SMARCB1: variants seen among roughly 807,000 people sequenced by gnomAD.
The protein encoded by SMARCB1 is SWI/SNF-related matrix-associated actin-dependent regulator of chromatin subfamily B member 1.
Under a neutral mutation model 49.0 loss-of-function variants are expected in SMARCB1, and 5 were observed. That is an observed-to-expected ratio of 0.10 (90% confidence interval 0.05 to 0.21). The LOEUF is 0.21. Among genes scored for constraint, SMARCB1 ranks in the 10% least tolerant of loss-of-function variants. The pLI, the probability that SMARCB1 is intolerant of heterozygous loss-of-function variation, is 1.00. For missense variants in SMARCB1, 226 were observed against 509.2 expected, an observed-to-expected ratio of 0.44 and a Z score of 5.35; for synonymous variants, 201 against 200.1, an observed-to-expected ratio of 1.00 and a Z score of -0.04.
intron 3 of SMARCB1, among the ~76,000 whole-genome samples, chr22:23,794,328 T>C (rs917522165): frequency 3.9e-5 from 6 of 152,230 alleles, no homozygotes; most frequent in African/African-American, 1.2e-4. Context: ...TTCTATATCA[T>C]TGGAATTTCT....
At chr22:23,830,724 T>C (rs545157598) in intron 7 of SMARCB1, among the ~76,000 whole-genome samples, 1 of 144,530 alleles carries the variant, frequency 6.9e-6, no homozygotes, top group East Asian at 2.1e-4. Flanking sequence ...TGTAGTGCTG[T>C]GATCTTGGCT....
intron 4 of SMARCB1, chr22:23,802,967 C>A (rs1023834132): frequency 1.8e-5 from 8 of 433,112 alleles, no homozygotes; most frequent in Admixed American, 1.4e-4. Context: ...AAATGCCCTT[C>A]TCCTTTCCCA....
In SMARCB1 at chr22:23,836,987, C is replaced by T; in HGVS notation, c.*2807C>T. On this transcript the variant is annotated 3_prime_UTR_variant, in exon 9 of 9. Coordinates refer to ENST00000644036, the MANE Select transcript of SMARCB1 (RefSeq NM_003073.5). ...TCTGTGGGGAGGGGCCCGTGTTGAG[C>T]ACAGGCCAGCACAGGTCCCCATCGG... The T allele has an allele frequency of 6.2e-7, 1 of 1,606,900 alleles. No individual in the cohort carries two copies.
rs142959559 is a variant in SMARCB1 at position 23,828,578 on chromosome 22, C to T, written c.986+3163C>T. On this transcript the variant is annotated intron_variant, in intron 7 of 8. Coordinates refer to ENST00000644036, the MANE Select transcript of SMARCB1 (RefSeq NM_003073.5). ...CTGAGGCAGGAGAATTGCTTGAACCCGTGAGGCGGAGATTGCAGTGAGCTG... is the reference window on the plus strand; with the variant it reads ...CTGAGGCAGGAGAATTGCTTGAACCTGTGAGGCGGAGATTGCAGTGAGCTG... Among the ~76,000 whole-genome samples, 982 of 152,194 alleles carry T rather than the reference C, an allele frequency of 6.5e-3. 11 individuals are homozygous for T. Among genetic ancestry groups the T allele is most frequent in the African/African-American group, 0.022 (915 of 41,556 alleles).
At chr22:23,823,778 C>T (rs2030232493) in intron 6 of SMARCB1, 1 of 152,270 alleles carries the variant, frequency 6.6e-6, no homozygotes, top group Non-Finnish European at 1.5e-5. Context: ...GAAGGCTCAA[C>T]CACAGGGTCT....
intron 5 of SMARCB1, among the ~76,000 whole-genome samples, chr22:23,810,954 T>A (rs902576608): frequency 1.3e-4 from 19 of 151,522 alleles, no homozygotes; most frequent in African/African-American, 4.4e-4. Flanking sequence ...GGATAATTGC[T>A]TGAACCCGGG....
intron 5 of SMARCB1, among the ~76,000 whole-genome samples, chr22:23,805,102 A>T (rs1336907430): frequency 6.6e-6 from 1 of 152,076 alleles, no homozygotes; most frequent in Non-Finnish European, 1.5e-5. Context: ...TGCTAGGCCT[A>T]CCACTTGCTC....
chr22:23,787,814 T>G (rs1011680798), intron 1 of SMARCB1, among the ~76,000 whole-genome samples: 2 of 152,182 alleles, frequency 1.3e-5, no homozygotes, highest in Non-Finnish European at 2.9e-5. Context: ...TGTTTGCTTT[T>G]GGGTGAATAA....
intron 7 of SMARCB1, among the ~76,000 whole-genome samples, chr22:23,827,022 ACAGAG>A (rs2030418440): frequency 6.6e-6 from 1 of 152,186 alleles, no homozygotes; most frequent in Admixed American, 6.5e-5. Context: ...TTCACCCTGC[ACAGAG>A]CCAAGCCCTA....
intron 7 of SMARCB1, among the ~76,000 whole-genome samples, chr22:23,827,162 C>T (rs2030426025): frequency 6.6e-6 from 1 of 152,208 alleles, no homozygotes; most frequent in Non-Finnish European, 1.5e-5. Flanking sequence ...CCAGTCAGAA[C>T]CCTCGTCTTG....
intron 4 of SMARCB1, chr22:23,802,849 C>A (rs1175683317): frequency 3.1e-6 from 1 of 326,432 alleles, no homozygotes; most frequent in African/African-American, 2.1e-5. Context: ...TTTGCAGCAT[C>A]CCTGACCACT....
intron 4 of SMARCB1, chr22:23,801,807 TCA>T (rs987560209): frequency 4.4e-5 from 9 of 202,856 alleles, no homozygotes; most frequent in Admixed American, 1.6e-4. Flanking sequence ...GAGCTGACAG[TCA>T]CAGGTTTTGG....
intron 7 of SMARCB1, among the ~76,000 whole-genome samples, chr22:23,830,413 ATGTATTTCTGGCTGTTTG>A (rs1395073333): frequency 6.6e-6 from 1 of 152,164 alleles, no homozygotes; most frequent in African/African-American, 2.4e-5. Context: ...GCATCTTTGC[ATGTATTTCTGGCTGTTTG>A]TGTATCTTCT....
rs1928403840 is a variant in SMARCB1 at position 23,791,865 on chromosome 22, A to G, written c.203A>G (p.His68Arg). 6.2e-7 allele frequency: 1 copy of G among 1,614,086 alleles called. No homozygotes were observed. The highest frequency in any genetic ancestry group is 8.5e-7 in the Non-Finnish European group (1 of 1,180,010). The change falls in exon 2 of 9, where the codon CAT (histidine) becomes CGT (arginine). Residue 68 changes from histidine (H) to arginine (R), a missense_variant. His to Arg is a conservative substitution (Grantham distance 29). Around this residue, in one of 6 missense-constraint regions of SMARCB1, gnomAD observed 128 missense variants for 263.9 expected, o/e 0.49. Coordinates refer to ENST00000644036, the MANE Select transcript of SMARCB1 (RefSeq NM_003073.5). ...EERKKIVASS[H>R]GKKTKPNTKD... is the part of the protein sequence containing the mutation. ...AGGAAGAAAATAGTTGCATCGTCACATGGTAAAAAAACAAAACCTAACACT... is the reference window on the plus strand; with the variant it reads ...AGGAAGAAAATAGTTGCATCGTCACGTGGTAAAAAAACAAAACCTAACACT...
intron 1 of SMARCB1, 91 bp downstream of exon 1, chr22:23,787,353 A>T: frequency 1.5e-6 from 1 of 673,666 alleles, no homozygotes; most frequent in Non-Finnish European, 2.3e-6. Context: ...GTCTCCATTC[A>T]TCGGGGCGGG....
At chr22:23,804,119 A>G (rs1929347088) in intron 5 of SMARCB1, 1 of 150,132 alleles carries the variant, frequency 6.7e-6, no homozygotes, top group Non-Finnish European at 1.5e-5. Context: ...TTTTTTTTTT[A>G]CTTAGTGTCT....
At position 23,837,413 on chromosome 22, in the gene SMARCB1, C is replaced by T; in HGVS notation, c.*3233C>T. The T allele has an allele frequency of 9.3e-6, 6 of 642,772 alleles. No homozygotes were observed. Among genetic ancestry groups the T allele is most frequent in the Admixed American group, 3.0e-5 (1 of 33,850 alleles). 39.8% of individuals were successfully genotyped at this position (642,772 alleles called of 1,614,324 possible). On this transcript the variant is annotated 3_prime_UTR_variant, in exon 9 of 9. Transcript: ENST00000644036. ...GGAGCCATGGGGCAGGAACCCTGACCCTCCCATCCTCACTCCCATCAGGAC... is the reference window on the plus strand; with the variant it reads ...GGAGCCATGGGGCAGGAACCCTGACTCTCCCATCCTCACTCCCATCAGGAC...
intron 5 of SMARCB1, among the ~76,000 whole-genome samples, chr22:23,804,948 G>A (rs1349027657): frequency 6.6e-6 from 1 of 152,214 alleles, no homozygotes; most frequent in Non-Finnish European, 1.5e-5. Context: ...AGCAGATAAC[G>A]TAGTTGCAGC....
intron 3 of SMARCB1, among the ~76,000 whole-genome samples, chr22:23,794,744 C>T (rs1399141648): frequency 6.6e-6 from 1 of 151,984 alleles, no homozygotes; most frequent in African/African-American, 2.4e-5. Flanking sequence ...ACTAAAAATA[C>T]AAAATTAGCC....
Sources: allele counts gnomAD v4.1 joint callset (sites outside exome capture counted in the v4.1 genomes callset), GRCh38; gene constraint gnomAD v4.1.1; regional missense constraint gnomAD v4.1.1; transcripts MANE v1.5; gene names NCBI Gene and HGNC (gene_info 2026-07-23, HGNC 2026-07-21).